Variants in KCNH5 observed in about 807,000 individuals in gnomAD.
The protein encoded by KCNH5 is voltage-gated delayed rectifier potassium channel KCNH5.
In KCNH5, 46 loss-of-function variants were observed where a neutral mutation model predicts 96.1. The ratio of observed to expected loss-of-function variants is 0.48; its 90% confidence interval spans 0.38 to 0.61. The LOEUF (loss-of-function observed/expected upper bound fraction) is 0.61. Among genes scored for constraint, KCNH5 ranks in the 20% least tolerant of loss-of-function variants. The pLI is 0.00. For synonymous variants in KCNH5, 439 were observed against 449.8 expected, an observed-to-expected ratio of 0.98 and a Z score of 0.30; for missense variants, 907 against 1,225.8, an observed-to-expected ratio of 0.74 and a Z score of 3.88.
intron 7 of KCNH5, among the ~76,000 whole-genome samples, chr14:62,852,259 T>A (rs986599761): frequency 9.2e-5 from 14 of 152,330 alleles, no homozygotes; most frequent in African/African-American, 3.4e-4. Context: ...TGCCCTATTG[T>A]GCTACTGAAC....
chr14:62,870,948 T>C (rs1184027334), intron 7 of KCNH5, among the ~76,000 whole-genome samples: 3 of 152,166 alleles, frequency 2.0e-5, no homozygotes, highest in Non-Finnish European at 2.9e-5. Context: ...TTTTGAATCA[T>C]TGTCTAAAAC....
chr14:63,006,093 T>C (rs752147429), intron 3 of KCNH5, among the ~76,000 whole-genome samples: 2 of 152,224 alleles, frequency 1.3e-5, no homozygotes, highest in Non-Finnish European at 2.9e-5. Context: ...ATAGGATCTT[T>C]ATTATAAGTA....
At chr14:62,955,435 A>G (rs945087661) in intron 6 of KCNH5, among the ~76,000 whole-genome samples, 1 of 152,228 alleles carries the variant, frequency 6.6e-6, no homozygotes, top group African/African-American at 2.4e-5. Flanking sequence ...TATTAATTAA[A>G]TTAAAATTCA....
chr14:62,734,598 T>C (rs1001075043), intron 10 of KCNH5, among the ~76,000 whole-genome samples: 1 of 152,034 alleles, frequency 6.6e-6, no homozygotes, highest in Non-Finnish European at 1.5e-5. Flanking sequence ...CCACATACAC[T>C]AGCATTATGC....
intron 6 of KCNH5, among the ~76,000 whole-genome samples, chr14:62,973,530 C>T (rs1262630115): frequency 6.6e-6 from 1 of 152,166 alleles, no homozygotes; most frequent in Non-Finnish European, 1.5e-5. Context: ...GTCTTGTTTG[C>T]TCTTCTGCCT....
At chr14:62,860,653 A>G (rs1431606795) in intron 7 of KCNH5, among the ~76,000 whole-genome samples, 1 of 152,186 alleles carries the variant, frequency 6.6e-6, no homozygotes, top group Non-Finnish European at 1.5e-5. Flanking sequence ...GCTACCTCTT[A>G]GTGCCCATCT....
At chr14:62,813,311 C>A (rs1886909343) in intron 8 of KCNH5, among the ~76,000 whole-genome samples, 1 of 152,096 alleles carries the variant, frequency 6.6e-6, no homozygotes, top group Non-Finnish European at 1.5e-5. Flanking sequence ...GATCTTTAGT[C>A]TTAGTGAAGT....
intron 3 of KCNH5, among the ~76,000 whole-genome samples, chr14:63,003,612 A>ATTTT (rs1394629647): frequency 4.1e-5 from 5 of 121,304 alleles, no homozygotes; most frequent in African/African-American, 1.7e-4. Context: ...TTATATTTAT[A>ATTTT]TATATATATA....
intron 10 of KCNH5, among the ~76,000 whole-genome samples, chr14:62,735,935 G>A (rs1885146702): frequency 6.6e-6 from 1 of 152,196 alleles, no homozygotes; most frequent in Admixed American, 6.5e-5. Flanking sequence ...ACCAGCCCAG[G>A]AACTCAAAAG....
chr14:62,910,820 G>A (rs754325544), intron 7 of KCNH5, among the ~76,000 whole-genome samples: 3 of 150,672 alleles, frequency 2.0e-5, no homozygotes, highest in Non-Finnish European at 4.4e-5. Flanking sequence ...TGTTCACATG[G>A]CTCACTTTTT....
chr14:62,869,493 T>C (rs893530259), intron 7 of KCNH5, among the ~76,000 whole-genome samples: 12 of 152,194 alleles, frequency 7.9e-5, no homozygotes, highest in African/African-American at 2.9e-4. Context: ...GCTTGTTCAC[T>C]CTGATGATAG....
chr14:62,977,508 A>C (rs1048017733), intron 6 of KCNH5, among the ~76,000 whole-genome samples: 1 of 152,180 alleles, frequency 6.6e-6, no homozygotes, highest in Non-Finnish European at 1.5e-5. Flanking sequence ...CTCACCTTTC[A>C]TGTTGAGAAG....
At chr14:62,786,645 C>T (rs546312592) in intron 9 of KCNH5, among the ~76,000 whole-genome samples, 1 of 152,184 alleles carries the variant, frequency 6.6e-6, no homozygotes, top group East Asian at 1.9e-4. Context: ...ATGTTTTTTA[C>T]AAATTGAAGG....
intron 7 of KCNH5, among the ~76,000 whole-genome samples, chr14:62,886,569 T>C (rs1888602474): frequency 1.3e-5 from 2 of 152,214 alleles, no homozygotes; most frequent in Non-Finnish European, 2.9e-5. Context: ...ATATTTCTCA[T>C]ATGCTATGTG....
intron 2 of KCNH5, among the ~76,000 whole-genome samples, chr14:63,008,715 GAAACCTC>G (rs995912283): frequency 6.6e-6 from 1 of 151,926 alleles, no homozygotes; most frequent in Non-Finnish European, 1.5e-5. Context: ...ACTAACACAG[GAAACCTC>G]AAAGCACACC....
chr14:62,783,930 T>C (rs561476926), intron 9 of KCNH5, among the ~76,000 whole-genome samples: 2 of 151,976 alleles, frequency 1.3e-5, no homozygotes, highest in African/African-American at 4.8e-5. Flanking sequence ...AGAAATCTAC[T>C]TTATCTTCTT....
chr14:62,708,482 C>G, intron 10 of KCNH5, 27 bp from the exon 11 acceptor site: 3 of 1,455,978 alleles, frequency 2.1e-6, no homozygotes, highest in Non-Finnish European at 2.8e-6. Flanking sequence ...ATAGTCACAG[C>G]CTGATTATAA....
chr14:62,841,946 G>A (rs1448797287), intron 8 of KCNH5, among the ~76,000 whole-genome samples: 3 of 152,296 alleles, frequency 2.0e-5, no homozygotes, highest in Admixed American at 2.0e-4. Context: ...GCTATCAAAC[G>A]ATTCCTTTGG....
At chr14:62,955,715 T>G (rs1216479367) in intron 6 of KCNH5, among the ~76,000 whole-genome samples, 4 of 152,172 alleles carry the variant, frequency 2.6e-5, no homozygotes, top group Admixed American at 2.6e-4. Context: ...GCCTCCTCTT[T>G]CCCTCCACTC....
Sources: gnomAD v4.1 joint callset for allele counts (sites outside exome capture counted in the v4.1 genomes callset) on GRCh38, gnomAD v4.1.1 for gene constraint, MANE v1.5 for transcripts, NCBI Gene and HGNC (gene_info 2026-07-23, HGNC 2026-07-21) for gene names.